EFEMP1: variants seen among roughly 807,000 people sequenced by gnomAD.
The protein encoded by EFEMP1 is EGF-containing fibulin-like extracellular matrix protein 1.
Under a neutral mutation model 65.7 loss-of-function variants are expected in EFEMP1, and 18 were observed. The ratio of observed to expected loss-of-function variants is 0.27; its 90% CI spans 0.19 to 0.41. The LOEUF is 0.41. Ranked by LOEUF, EFEMP1 falls within the 10% of genes least tolerant of loss-of-function variation. The probability of loss-of-function intolerance (pLI) is 1.00; values close to 1 mark genes in which losing one functional copy is unlikely to be tolerated. For synonymous variants in EFEMP1, 237 were observed against 219.7 expected, an observed-to-expected ratio of 1.08 and a Z score of -0.70; for missense variants, 469 against 624.8, an observed-to-expected ratio of 0.75 and a Z score of 2.66.
chr2:55,904,115 C>G (rs1231206637), intron 5 of EFEMP1, among the ~76,000 whole-genome samples: 1 of 152,156 alleles, frequency 6.6e-6, no homozygotes, highest in East Asian at 1.9e-4. Context: ...CTAGCAGGTA[C>G]TCCCTGAATT....
intron 5 of EFEMP1, among the ~76,000 whole-genome samples, chr2:55,912,665 C>A (rs1020809582): frequency 4.6e-5 from 7 of 152,064 alleles, no homozygotes; most frequent in Non-Finnish European, 1.0e-4. Flanking sequence ...GTAATTTGTT[C>A]CTTTAGACTT....
At position 55,870,380 on chromosome 2, in the gene EFEMP1, G is replaced by A. The variant is rs182707721; in HGVS notation, c.1320+340C>T. On this transcript the variant is annotated intron_variant, in intron 11 of 11. Coordinates refer to ENST00000355426, the MANE Select transcript of EFEMP1 (RefSeq NM_001039348.3). The surrounding 1 kb of genome is among the most constrained non-coding windows in gnomAD (Gnocchi z 5.8). ...GGGTATGTTGGGTGGGGGCAGAGGC[G>A]GGGGGATGGGAGGCTTGTATTTTCG... Among the ~76,000 whole-genome samples, 20 of 150,706 alleles carry A rather than the reference G, an allele frequency of 1.3e-4. No individual in the cohort carries two copies. Among genetic ancestry groups the A allele is most frequent in the Non-Finnish European group, 2.7e-4 (18 of 67,692 alleles).
chr2:55,906,700 G>A (rs1192018546), intron 5 of EFEMP1, among the ~76,000 whole-genome samples: 1 of 152,176 alleles, frequency 6.6e-6, no homozygotes, highest in East Asian at 1.9e-4. Context: ...TGCTTGTTGA[G>A]TGGAGTTCTA....
intron 5 of EFEMP1, among the ~76,000 whole-genome samples, chr2:55,907,251 G>C (rs1670316605): frequency 6.6e-6 from 1 of 152,158 alleles, no homozygotes; most frequent in African/African-American, 2.4e-5. Flanking sequence ...GCACATGTTT[G>C]TACATATGCA....
intron 5 of EFEMP1, among the ~76,000 whole-genome samples, chr2:55,895,760 C>G (rs958639594): frequency 2.0e-5 from 3 of 151,588 alleles, no homozygotes; most frequent in Admixed American, 6.6e-5. Flanking sequence ...CCAGGATTGT[C>G]TCTATCTCCT....
Position 55,877,496 on chromosome 2 carries a change from A to G in EFEMP1, c.760+250T>C, listed in dbSNP as rs1572793211. On this transcript the variant is annotated intron_variant, in intron 7 of 11. Coordinates refer to ENST00000355426, the MANE Select transcript of EFEMP1 (RefSeq NM_001039348.3). The surrounding 1 kb of genome is among the most constrained non-coding windows in gnomAD (Gnocchi z 4.5). Reference sequence around the variant, plus strand: ...CTGATTGACTGGTGTATGTATATCAATTGATTTGTAGTTTTAAATTTGTTG... The same window carrying G: ...CTGATTGACTGGTGTATGTATATCAGTTGATTTGTAGTTTTAAATTTGTTG... 6.6e-6 allele frequency among the ~76,000 whole-genome samples: 1 copy of G among 152,170 alleles called. No homozygotes were observed. Among genetic ancestry groups the G allele is most frequent in the Non-Finnish European group, 1.5e-5 (1 of 68,024 alleles).
In EFEMP1 at chr2:55,866,255, T is replaced by C. The variant is rs1348006486; in HGVS notation, c.*818A>G. 2.0e-5 allele frequency: 3 copies of C among 152,232 alleles called. No homozygotes were observed. 9.4% of individuals were successfully genotyped at this position (152,232 alleles called of 1,614,324 possible). A position where few individuals can be genotyped will look rare whatever the true frequency, so the allele number is the denominator to read the frequency against. ...TCTCCAGTGAAATACCTTTTATCCA[T>C]TTTGTTCTGCATCTTGTGGAAGTCC... On this transcript the variant is annotated 3_prime_UTR_variant, in exon 12 of 12. Coordinates refer to ENST00000355426, the MANE Select transcript of EFEMP1 (RefSeq NM_001039348.3).
At chr2:55,882,802 T>C (rs2104394174) in intron 5 of EFEMP1, among the ~76,000 whole-genome samples, 1 of 152,214 alleles carries the variant, frequency 6.6e-6, no homozygotes, top group South Asian at 2.1e-4. Context: ...ACCACAGTGA[T>C]GATTTAAGAC....
chr2:55,876,281 G>C (rs1669032751), intron 8 of EFEMP1, among the ~76,000 whole-genome samples: 1 of 152,102 alleles, frequency 6.6e-6, no homozygotes, highest in South Asian at 2.1e-4. Context: ...TTCAGACTCA[G>C]GAGGTCTGGG....
rs150488038 is a variant in EFEMP1 at position 55,867,123 on chromosome 2, T to G, written c.1432A>C (p.Thr478Pro). ...LTVSSIGTFR[T>P]SSVLRLTIIV... ...ATTGTCAATCTTAACACAGAGCTTG[T>G]GCGGAAGGTCCCTATACTGCTGACT... is the stretch of plus-strand genomic sequence containing the variant. Residue 478 changes from threonine (T) to proline (P), a missense_variant, in exon 12 of 12, where the codon ACA becomes CCA. This residue lies in a region of EFEMP1 where 399 missense variants were observed against 528.2 expected (regional missense o/e 0.76). Transcript: ENST00000355426. The surrounding 1 kb of genome is among the most constrained non-coding windows in gnomAD (Gnocchi z 4.3). 151 of 1,613,590 alleles carry G rather than the reference T, an allele frequency of 9.4e-5. No individual in the cohort carries two copies. Among genetic ancestry groups the G allele is most frequent in the Non-Finnish European group, 1.2e-4 (144 of 1,179,956 alleles).
intron 5 of EFEMP1, among the ~76,000 whole-genome samples, chr2:55,911,254 A>T (rs956287966): frequency 6.6e-6 from 1 of 152,146 alleles, no homozygotes; most frequent in African/African-American, 2.4e-5. Flanking sequence ...TGACAGTAAG[A>T]AGAGTGAGAA....
intron 5 of EFEMP1, among the ~76,000 whole-genome samples, chr2:55,903,532 C>G (rs190062057): frequency 1.8e-4 from 28 of 152,208 alleles, no homozygotes; most frequent in Admixed American, 5.9e-4. Flanking sequence ...CCCAGACCTA[C>G]CCAGAATCAG....
intron 5 of EFEMP1, among the ~76,000 whole-genome samples, chr2:55,902,469 A>T (rs1397201249): frequency 6.6e-6 from 1 of 152,260 alleles, no homozygotes; most frequent in East Asian, 1.9e-4. Context: ...ATGGGGTTAT[A>T]TTAATATATG....
At position 55,876,745 on chromosome 2, in the gene EFEMP1, G is replaced by GA; in HGVS notation, c.761-4dup. On this transcript the variant is annotated splice_polypyrimidine_tract_variant and splice_region_variant and intron_variant, in intron 7 of 11. Coordinates refer to ENST00000355426, the MANE Select transcript of EFEMP1 (RefSeq NM_001039348.3). ...GCTGGCATCACATTCATTTATATCTGAAAAAAAGTTTTATATATATATATA... is the reference window on the plus strand; with the variant it reads ...GCTGGCATCACATTCATTTATATCTGAAAAAAAAGTTTTATATATATATATA... 2 of 1,587,408 alleles carry GA rather than the reference G, an allele frequency of 1.3e-6. No homozygotes were observed. Among genetic ancestry groups the GA allele is most frequent in the South Asian group, 1.1e-5 (1 of 88,100 alleles).
chr2:55,890,696 C>A (rs1238496924), intron 5 of EFEMP1, among the ~76,000 whole-genome samples: 1 of 151,976 alleles, frequency 6.6e-6, no homozygotes, highest in Admixed American at 6.5e-5. Flanking sequence ...TTCACAACAA[C>A]CCATGGTTTA....
At chr2:55,909,208 T>G (rs948330306) in intron 5 of EFEMP1, among the ~76,000 whole-genome samples, 1 of 152,188 alleles carries the variant, frequency 6.6e-6, no homozygotes, top group African/African-American at 2.4e-5. Context: ...GTCTGAGTTC[T>G]CCTATGATTA....
chr2:55,869,778 A>G (rs1266149003), intron 11 of EFEMP1, among the ~76,000 whole-genome samples: 2 of 152,176 alleles, frequency 1.3e-5, no homozygotes, highest in African/African-American at 4.8e-5. Context: ...AGCATGAAAC[A>G]GTTACCGTAA....
At chr2:55,913,345 A>G (rs1452795726) in intron 5 of EFEMP1, among the ~76,000 whole-genome samples, 1 of 152,114 alleles carries the variant, frequency 6.6e-6, no homozygotes, top group Non-Finnish European at 1.5e-5. Flanking sequence ...TACTTTATAC[A>G]ACATAAGCCA....
chr2:55,872,645 A>G (rs772919655), intron 9 of EFEMP1, among the ~76,000 whole-genome samples: 1 of 152,108 alleles, frequency 6.6e-6, no homozygotes, highest in Non-Finnish European at 1.5e-5. Flanking sequence ...AGGAAAAAAA[A>G]GTATTTTAGC....
Sources: gnomAD v4.1 joint callset for allele counts (sites outside exome capture counted in the v4.1 genomes callset) on GRCh38, gnomAD v4.1.1 for gene constraint, gnomAD v4.1.1 regional missense constraint, Gnocchi (gnomAD v3.1) non-coding constraint, MANE v1.5 for transcripts, NCBI Gene and HGNC (gene_info 2026-07-23, HGNC 2026-07-21) for gene names.